Variants in COPG1 observed in about 807,000 individuals in gnomAD.
The protein encoded by COPG1 is coatomer subunit gamma-1.
COPG1 carries 29 observed loss-of-function variants against 102.8 expected under a neutral mutation model. The observed-to-expected ratio is 0.28, with a 90% CI of 0.21 to 0.38. The LOEUF is 0.38. COPG1 is among the 10% of genes least tolerant of loss of function. The pLI is 1.00. For missense variants in COPG1, 875 were observed against 1,132.7 expected, an observed-to-expected ratio of 0.77 and a Z score of 3.27; for synonymous variants, 406 against 421.6, an observed-to-expected ratio of 0.96 and a Z score of 0.45.
chr3:129,263,744 C>T (rs897681861), intron 12 of COPG1, among the ~76,000 whole-genome samples, 160 bp from the exon 13 acceptor site: 5 of 123,284 alleles, frequency 4.1e-5, no homozygotes, highest in Non-Finnish European at 7.4e-5. Flanking sequence ...TTGTGCCCTT[C>T]AAGCTTCAAG....
At chr3:129,250,912 CTTTTTTTTTTTTTT>C (rs10706690) in intron 2 of COPG1, 178 bp downstream of exon 2, 6 of 202,498 alleles carry the variant, frequency 3.0e-5, no homozygotes, top group South Asian at 6.4e-5. Flanking sequence ...ATGCTTACTT[CTTTTTTTTTTTTTT>C]TTTTTTTTTT....
chr3:129,263,888 C>A lies in COPG1; in HGVS notation c.1129-16C>A. 6.2e-7 allele frequency: 1 copy of A among 1,610,520 alleles called. No homozygotes were observed. Among genetic ancestry groups the A allele is most frequent in the Non-Finnish European group, 8.5e-7 (1 of 1,176,706 alleles). ...GGTGGCAGGGCCTGCTGCTCATGCA[C>A]GTCTATTTCATTTAGGTGGTGGTTG... On this transcript the variant is annotated splice_polypyrimidine_tract_variant and intron_variant, in intron 12 of 23. Coordinates refer to ENST00000314797, the MANE Select transcript of COPG1 (RefSeq NM_016128.4).
At chr3:129,264,870 G>A (rs1005377516) in intron 13 of COPG1, among the ~76,000 whole-genome samples, 3 of 151,716 alleles carry the variant, frequency 2.0e-5, no homozygotes, top group Non-Finnish European at 4.4e-5. Flanking sequence ...TGCCCAGGCT[G>A]GAGTGCAGTG....
intron 16 of COPG1, 76 bp from the exon 17 acceptor site, chr3:129,268,419 C>A: frequency 6.6e-7 from 1 of 1,522,644 alleles, no homozygotes; most frequent in Non-Finnish European, 8.9e-7. Context: ...ACTTCGGGAC[C>A]CCAGGGCCTC....
chr3:129,252,134 C>T, intron 2 of COPG1, 147 bp from the exon 3 acceptor site: 1 of 611,594 alleles, frequency 1.6e-6, no homozygotes, highest in Non-Finnish European at 3.0e-6. Flanking sequence ...GAAAAACAAA[C>T]CCTTTCCTTA....
chr3:129,274,426 CT>C (rs1328175205), intron 21 of COPG1, among the ~76,000 whole-genome samples: 1 of 152,152 alleles, frequency 6.6e-6, no homozygotes, highest in Non-Finnish European at 1.5e-5. Flanking sequence ...CTAGTTTCTG[CT>C]GAACTAGAAA....
chr3:129,269,047 C>G, intron 18 of COPG1, 47 bp downstream of exon 18: 1 of 1,531,890 alleles, frequency 6.5e-7, no homozygotes, highest in Non-Finnish European at 9.0e-7. Flanking sequence ...GCTTAGTTTC[C>G]TCAGGGGGTT....
chr3:129,257,936 G>A, intron 10 of COPG1, 76 bp downstream of exon 10: 1 of 1,552,496 alleles, frequency 6.4e-7, no homozygotes, highest in Admixed American at 1.9e-5. Context: ...CGGGCTAGGA[G>A]AAAGAAAGAA....
intron 14 of COPG1, among the ~76,000 whole-genome samples, chr3:129,266,360 C>G (rs1303156110): frequency 6.6e-6 from 1 of 151,702 alleles, no homozygotes; most frequent in Non-Finnish European, 1.5e-5. Flanking sequence ...AACTCCTGGG[C>G]TCAAGCTATC....
At position 129,275,909 on chromosome 3, in the gene COPG1, T is replaced by A. The variant is rs1940263175; in HGVS notation, c.2494+617T>A. ...ACATATTCTATGGAACAGCCACTACTGATGAACATTTAGTTTGATTTCAAT... is the reference window on the plus strand; with the variant it reads ...ACATATTCTATGGAACAGCCACTACAGATGAACATTTAGTTTGATTTCAAT... On this transcript the variant is annotated intron_variant, in intron 23 of 23. Coordinates refer to ENST00000314797, the MANE Select transcript of COPG1 (RefSeq NM_016128.4). The surrounding 1 kb of genome is among the most constrained non-coding windows in gnomAD (Gnocchi z 5.0). Among the ~76,000 whole-genome samples, 1 of 152,200 alleles carries A rather than the reference T, an allele frequency of 6.6e-6. No homozygotes were observed. The highest frequency in any genetic ancestry group is 2.4e-5 in the African/African-American group (1 of 41,454).
At chr3:129,250,912 C>CTTTTTTTTTTT (rs10706690) in intron 2 of COPG1, 178 bp downstream of exon 2, 1 of 176,688 alleles carries the variant, frequency 5.7e-6, no homozygotes, top group Non-Finnish European at 1.0e-5. Context: ...ATGCTTACTT[C>CTTTTTTTTTTT]TTTTTTTTTT....
At position 129,268,598 on chromosome 3, in the gene COPG1, G is replaced by A. The variant is rs889000325; in HGVS notation, c.1752G>A (p.Ala584=). 39 of 1,613,994 alleles carry A rather than the reference G, an allele frequency of 2.4e-5. No homozygotes were observed. Among genetic ancestry groups the A allele is most frequent in the Non-Finnish European group, 3.1e-5 (36 of 1,180,008 alleles). The change falls in exon 17 of 24, where the codon GCG becomes GCA. Residue 584 remains alanine, a synonymous_variant. Coordinates refer to ENST00000314797, the MANE Select transcript of COPG1 (RefSeq NM_016128.4). ...TCAAGTCTGTGCCCCTGGCCACGGCGCCCATGGCAGAGCAGAGAACAGGTA... is the reference window on the plus strand; with the variant it reads ...TCAAGTCTGTGCCCCTGGCCACGGCACCCATGGCAGAGCAGAGAACAGGTA... ...FDLKSVPLAT[A]PMAEQRTEST...
At chr3:129,266,221 C>T (rs113222284) in intron 14 of COPG1, among the ~76,000 whole-genome samples, 4,280 of 152,174 alleles carry the variant, frequency 0.028, 151 homozygotes, top group East Asian at 0.11. Flanking sequence ...CTGCCCGCCT[C>T]GGCCTCCCAA....
In COPG1 at chr3:129,275,639, AC is replaced by A. The variant is rs1230151449; in HGVS notation, c.2494+348del. Among the ~76,000 whole-genome samples the A allele has an allele frequency of 1.3e-5, 2 of 152,174 alleles. No homozygotes were observed. The highest frequency in any genetic ancestry group is 2.9e-5 in the Non-Finnish European group (2 of 68,042). On this transcript the variant is annotated intron_variant, in intron 23 of 23. Coordinates refer to ENST00000314797, the MANE Select transcript of COPG1 (RefSeq NM_016128.4). This position sits in a 1 kb window ranked among gnomAD's most constrained non-coding sequence, Gnocchi z 5.0. ...TGTCCTCCGATTTGCTTTTCACTTT[AC>A]ATTGCATCTTAGAGATCTTCCCCGT...
Position 129,249,759 on chromosome 3 carries a change from G to A in COPG1, c.37+13G>A. 6.4e-7 allele frequency: 1 copy of A among 1,551,122 alleles called. No individual in the cohort carries two copies. Among genetic ancestry groups the A allele is most frequent in the Non-Finnish European group, 8.7e-7 (1 of 1,146,720 alleles). ...GATGAGGAGTCAGGTGAGGGGGCCA[G>A]GCCTGGGTCTGAGGGAGGCCGGACC... On this transcript the variant is annotated intron_variant, in intron 1 of 23. Transcript: ENST00000314797.
At position 129,260,314 on chromosome 3, in the gene COPG1, G is replaced by A; in HGVS notation, c.872-19G>A. On this transcript the variant is annotated intron_variant, in intron 10 of 23. Transcript: ENST00000314797. ...CAGCAGTGAAGGCAACCTGACATGT[G>A]GCATCCATCTCCCCACAGTGCTCCA... is the stretch of plus-strand genomic sequence containing the variant. 6.2e-7 allele frequency: 1 copy of A among 1,612,814 alleles called. No individual in the cohort carries two copies. The highest frequency in any genetic ancestry group is 8.5e-7 in the Non-Finnish European group (1 of 1,179,002).
intron 21 of COPG1, chr3:129,273,986 G>A (rs539569864): frequency 4.4e-6 from 2 of 455,286 alleles, no homozygotes; most frequent in Non-Finnish European, 8.8e-6. Context: ...CCTGTGGATG[G>A]GGACTGTTAG....
At chr3:129,261,847 C>A (rs1380463837) in intron 12 of COPG1, among the ~76,000 whole-genome samples, 1 of 152,236 alleles carries the variant, frequency 6.6e-6, no homozygotes, top group Non-Finnish European at 1.5e-5. Flanking sequence ...GTTACCTCTT[C>A]ATAGTCAGGC....
In COPG1 at chr3:129,249,615, C is replaced by T. The variant is rs2107671180; in HGVS notation, c.-95C>T. On this transcript the variant is annotated 5_prime_UTR_variant, in exon 1 of 24. Coordinates refer to ENST00000314797, the MANE Select transcript of COPG1 (RefSeq NM_016128.4). ...GCTGGGCGACGTGGCCAGTCGGGGC[C>T]CGGAAGTGGTCCCTGTAGAACCACT... is the stretch of plus-strand genomic sequence containing the variant. 3.5e-6 allele frequency: 5 copies of T among 1,422,494 alleles called. No individual in the cohort carries two copies. The highest frequency in any genetic ancestry group is 1.4e-5 in the African/African-American group (1 of 70,456). The allele number at this position is 1,422,494 out of a possible 1,614,324, so 88.1% of individuals were successfully genotyped here.
Sources: allele counts gnomAD v4.1 joint callset (sites outside exome capture counted in the v4.1 genomes callset), GRCh38; gene constraint gnomAD v4.1.1; non-coding constraint Gnocchi (gnomAD v3.1); transcripts MANE v1.5; gene names NCBI Gene and HGNC (gene_info 2026-07-23, HGNC 2026-07-21).